Variants in TMEM182 observed in about 807,000 individuals in gnomAD.
TMEM182 encodes transmembrane protein 182.
In TMEM182, 20 loss-of-function variants were observed where a neutral mutation model predicts 26.8. The ratio of observed to expected loss-of-function variants is 0.75; its 90% CI spans 0.53 to 1.09. The LOEUF (loss-of-function observed/expected upper bound fraction) is 1.09. TMEM182 is among the 50% of genes least tolerant of loss of function. The pLI, the probability that TMEM182 is intolerant of heterozygous loss-of-function variation, is 0.00. For missense variants in TMEM182, 277 were observed against 275.5 expected (o/e 1.01, Z -0.04); for synonymous variants, 109 against 102.2 (o/e 1.07, Z -0.40).
At chr2:102,809,922 G>T (rs571695539) in intron 4 of TMEM182, among the ~76,000 whole-genome samples, 1 of 152,248 alleles carries the variant, frequency 6.6e-6, no homozygotes, top group Admixed American at 6.5e-5. Context: ...TATGCCCATG[G>T]AAAACTGAAA....
intron 3 of TMEM182, among the ~76,000 whole-genome samples, chr2:102,787,906 A>C (rs538508528): frequency 7.9e-5 from 12 of 152,308 alleles, no homozygotes; most frequent in African/African-American, 2.9e-4. Flanking sequence ...AGACAGAGGA[A>C]AGAACACATG....
chr2:102,808,198 C>G lies in TMEM182; in HGVS notation c.470-6550C>G, dbSNP rs76406590. 1.6e-4 allele frequency among the ~76,000 whole-genome samples: 24 copies of G among 152,190 alleles called. No individual in the cohort carries two copies. The East Asian group carries it at 4.6e-3, about 29-fold the overall frequency. On this transcript the variant is annotated intron_variant, in intron 4 of 4. Transcript: ENST00000412401. ...AGATGCTCCTTAAATATTGCAGAGG[C>G]AAGTCTTTTTCCAAAGGAGTTCCAG...
intron 1 of TMEM182, among the ~76,000 whole-genome samples, chr2:102,755,100 C>T (rs1679992270): frequency 6.6e-6 from 1 of 151,858 alleles, no homozygotes; most frequent in African/African-American, 2.4e-5. Flanking sequence ...GAATAGAGAC[C>T]CTAAAAGAAA....
chr2:102,753,221 C>T (rs1011652129), intron 1 of TMEM182, among the ~76,000 whole-genome samples: 5 of 150,932 alleles, frequency 3.3e-5, no homozygotes, highest in Non-Finnish European at 2.9e-5. Context: ...TCAAGAGTTA[C>T]TATACTTAAA....
intron 3 of TMEM182, among the ~76,000 whole-genome samples, chr2:102,795,706 A>G (rs1277743614): frequency 6.6e-6 from 1 of 151,612 alleles, no homozygotes; most frequent in Non-Finnish European, 1.5e-5. Context: ...TGTAGGTTCA[A>G]ACGTGGAATT....
intron 3 of TMEM182, among the ~76,000 whole-genome samples, chr2:102,787,634 C>T (rs1386569891): frequency 6.6e-6 from 1 of 152,170 alleles, no homozygotes; most frequent in Non-Finnish European, 1.5e-5. Context: ...ACTTTTCCTT[C>T]AGAGGACTTC....
At chr2:102,739,524 G>A (rs1454823394) in intron 1 of TMEM182, among the ~76,000 whole-genome samples, 1 of 152,146 alleles carries the variant, frequency 6.6e-6, no homozygotes, top group Non-Finnish European at 1.5e-5. Context: ...TCTTGGTGCT[G>A]TTCTCATGAT....
At chr2:102,744,231 C>G (rs948304215) in intron 1 of TMEM182, among the ~76,000 whole-genome samples, 6 of 152,132 alleles carry the variant, frequency 3.9e-5, no homozygotes, top group African/African-American at 1.4e-4. Flanking sequence ...CACAGTGAAA[C>G]TAGCAATCAG....
intron 3 of TMEM182, among the ~76,000 whole-genome samples, chr2:102,796,552 C>A (rs1287058208): frequency 6.6e-6 from 1 of 152,210 alleles, no homozygotes; most frequent in Admixed American, 6.5e-5. Context: ...TATTTGGCCA[C>A]ACTCTGCAAC....
intron 4 of TMEM182, among the ~76,000 whole-genome samples, chr2:102,800,879 A>G (rs907811551): frequency 1.3e-5 from 2 of 149,482 alleles, no homozygotes; most frequent in African/African-American, 4.9e-5. Context: ...GTCTTTTTCC[A>G]TTTTGCAATT....
At chr2:102,806,659 TTAA>T (rs537084535) in intron 4 of TMEM182, among the ~76,000 whole-genome samples, 11 of 151,826 alleles carry the variant, frequency 7.2e-5, no homozygotes, top group Non-Finnish European at 1.2e-4. Context: ...GTGCCAAAGC[TTAA>T]TAATAATAAT....
chr2:102,825,017 C>G (rs916969396), intron 3 of TMEM182, among the ~76,000 whole-genome samples: 6 of 152,114 alleles, frequency 3.9e-5, no homozygotes, highest in African/African-American at 1.4e-4. Flanking sequence ...GGGACTAATA[C>G]AAATATATTC....
intron 3 of TMEM182, among the ~76,000 whole-genome samples, chr2:102,794,916 C>T (rs917309060): frequency 2.6e-5 from 4 of 152,132 alleles, no homozygotes; most frequent in Admixed American, 2.0e-4. Context: ...TGCTTTAGGA[C>T]TCCAATGACA....
At chr2:102,770,672 C>T (rs916545669) in intron 3 of TMEM182, among the ~76,000 whole-genome samples, 3 of 151,050 alleles carry the variant, frequency 2.0e-5, no homozygotes, top group Admixed American at 6.6e-5. Context: ...AATGTGAAAC[C>T]GCACACGGAT....
chr2:102,829,421 G>A (rs540009092), intron 3 of TMEM182, among the ~76,000 whole-genome samples: 6 of 152,318 alleles, frequency 3.9e-5, no homozygotes, highest in East Asian at 1.9e-4. Flanking sequence ...AGGTGGGTTG[G>A]GCAGTCAGGT....
At position 102,812,666 on chromosome 2, in the gene TMEM182, G is replaced by T. The variant is rs968334319; in HGVS notation, c.470-2082G>T. Among the ~76,000 whole-genome samples the T allele has an allele frequency of 2.0e-5, 3 of 152,034 alleles. No individual in the cohort carries two copies. The East Asian group carries it at 5.8e-4, about 29-fold the overall frequency. On this transcript the variant is annotated intron_variant, in intron 4 of 4. Coordinates refer to ENST00000412401, the MANE Select transcript of TMEM182 (RefSeq NM_144632.5). ...TCCTAATACTCAAAGTTCAGTGATG[G>T]GTTTTTCAATTTTTGAAAAGATAAA...
downstream of TMEM182, among the ~76,000 whole-genome samples, chr2:102,817,912 C>T (rs931301413): frequency 1.3e-4 from 20 of 152,206 alleles, no homozygotes; most frequent in African/African-American, 4.8e-4. Context: ...GCCACTTTAA[C>T]TGTTTCACTC....
intron 1 of TMEM182, among the ~76,000 whole-genome samples, chr2:102,747,944 A>AGTGT (rs971195203): frequency 1.3e-5 from 2 of 152,074 alleles, no homozygotes; most frequent in African/African-American, 4.8e-5. Context: ...TAAGACAGAA[A>AGTGT]GTGTGTGTGT....
intron 1 of TMEM182, among the ~76,000 whole-genome samples, chr2:102,742,652 A>G (rs1314572298): frequency 1.3e-5 from 2 of 152,212 alleles, no homozygotes; most frequent in Non-Finnish European, 2.9e-5. Context: ...AACTGAAAAC[A>G]GAGAAAATCT....
Sources: gnomAD v4.1 joint callset for allele counts (sites outside exome capture counted in the v4.1 genomes callset) on GRCh38, gnomAD v4.1.1 for gene constraint, MANE v1.5 for transcripts, NCBI Gene and HGNC (gene_info 2026-07-23, HGNC 2026-07-21) for gene names.